Variants in CTNS observed in about 807,000 individuals in gnomAD.
The protein encoded by CTNS is cystinosin, lysosomal cystine transporter, also known as cystinosin.
A neutral mutation model predicts 43.7 loss-of-function variants in CTNS; 27 were observed. That is an observed-to-expected ratio of 0.62 (90% confidence interval 0.46 to 0.85). CTNS has a LOEUF of 0.85. CTNS is among the 40% of genes least tolerant of loss of function. CTNS has a pLI of 0.00. For synonymous variants in CTNS, 187 were observed against 190.6 expected (o/e 0.98, Z 0.16); for missense variants, 457 against 475.4 (o/e 0.96, Z 0.36).
chr17:3,654,371 C>T (rs951710432), intron 5 of CTNS, among the ~76,000 whole-genome samples: 7 of 152,156 alleles, frequency 4.6e-5, no homozygotes, highest in African/African-American at 1.7e-4. Flanking sequence ...GTCCATAGCT[C>T]TGCTCAGAAA....
chr17:3,650,321 G>C, intron 5 of CTNS: 2 of 1,548,744 alleles, frequency 1.3e-6, no homozygotes, highest in Non-Finnish European at 1.7e-6. Context: ...CCTGTGATCT[G>C]AAAAATATAG....
At chr17:3,655,539 C>T in intron 7 of CTNS, 187 bp downstream of exon 7, 1 of 804,194 alleles carries the variant, frequency 1.2e-6, no homozygotes, top group Non-Finnish European at 2.0e-6. Context: ...GGCGTTTCAT[C>T]CCTTGCCCAG....
chr17:3,646,632 T>C (rs1340030565), intron 3 of CTNS, among the ~76,000 whole-genome samples: 1 of 152,014 alleles, frequency 6.6e-6, no homozygotes. Context: ...AAACAGAGTC[T>C]TTCTGTGTTG....
chr17:3,638,193 A>G (rs2075585577), intron 2 of CTNS, among the ~76,000 whole-genome samples: 1 of 151,808 alleles, frequency 6.6e-6, no homozygotes, highest in Non-Finnish European at 1.5e-5. Flanking sequence ...TGTAGCTTTC[A>G]CAAGCCACTA....
chr17:3,660,031 A>C (rs1294325327), intron 11 of CTNS, 56 bp downstream of exon 11: 30 of 1,531,388 alleles, frequency 2.0e-5, no homozygotes, highest in Non-Finnish European at 2.3e-5. Flanking sequence ...GGGCGGGGCC[A>C]GCCTTCCCGG....
chr17:3,662,373 C>T lies in CTNS; in HGVS notation c.*2004C>T, dbSNP rs775551124. ...CTGATTTGGCAGTGCTAGGTAGGTCCAGGAGTGCTAACACCTTCCCAGAGG... is the reference window on the plus strand; with the variant it reads ...CTGATTTGGCAGTGCTAGGTAGGTCTAGGAGTGCTAACACCTTCCCAGAGG... On this transcript the variant is annotated 3_prime_UTR_variant, in exon 12 of 12. Coordinates refer to ENST00000046640, the MANE Select transcript of CTNS (RefSeq NM_004937.3). Among the ~76,000 whole-genome samples, 1 of 152,090 alleles carries T rather than the reference C, an allele frequency of 6.6e-6. No homozygotes were observed. Among genetic ancestry groups the T allele is most frequent in the Non-Finnish European group, 1.5e-5 (1 of 68,006 alleles).
At chr17:3,641,377 TATATA>T (rs1307997817) in intron 3 of CTNS, among the ~76,000 whole-genome samples, 748 of 52,930 alleles carry the variant, frequency 0.014, 42 homozygotes, top group African/African-American at 0.043. Flanking sequence ...TATATATATA[TATATA>T]TATTTTTTTT....
intron 7 of CTNS, chr17:3,655,562 C>T (rs950637083): frequency 7.5e-5 from 48 of 636,884 alleles, no homozygotes; most frequent in African/African-American, 4.6e-4. Flanking sequence ...CAGCCCCTCC[C>T]TGGGAAAGCA....
chr17:3,641,265 C>A (rs1267381923), intron 3 of CTNS, among the ~76,000 whole-genome samples: 5 of 149,460 alleles, frequency 3.3e-5, no homozygotes, highest in Non-Finnish European at 7.4e-5. Flanking sequence ...TCTGGAATTC[C>A]TTCCATAAAG....
chr17:3,636,585 G>A (rs373260107), upstream of CTNS: 238 of 231,548 alleles, frequency 1.0e-3, 4 homozygotes, highest in South Asian at 0.022. Context: ...TCACGCCGGA[G>A]CCCCGATCTC....
chr17:3,660,858 G>A lies in CTNS; in HGVS notation c.*489G>A, dbSNP rs372454787. ...TGGACGGGCTAGGACTTTGGGGTTA[G>A]GCCATGGGGCTCTTTCTCTGAAGGC... On this transcript the variant is annotated 3_prime_UTR_variant, in exon 12 of 12. Coordinates refer to ENST00000046640, the MANE Select transcript of CTNS (RefSeq NM_004937.3). The A allele has an allele frequency of 7.3e-5, 106 of 1,444,346 alleles. 2 individuals carry two copies. In the African/African-American group the frequency reaches 1.3e-3, roughly 18 times the overall value. 89.5% of individuals were successfully genotyped at this position (1,444,346 alleles called of 1,614,324 possible).
chr17:3,648,145 C>T (rs2075889144), intron 4 of CTNS, among the ~76,000 whole-genome samples: 1 of 152,340 alleles, frequency 6.6e-6, no homozygotes, highest in African/African-American at 2.4e-5. Context: ...CTCCTTCTCT[C>T]TTTATGCCTT....
rs752632797 is a variant in CTNS, at chr17:3,656,560, G to A, written c.535G>A (p.Gly179Ser). 24 of 1,609,160 alleles carry A rather than the reference G, an allele frequency of 1.5e-5. No individual in the cohort carries two copies. Among genetic ancestry groups the A allele is most frequent in the African/African-American group, 2.7e-5 (2 of 73,042 alleles). ...GFVAYSVFNI[G>S]LLWVPYIKEQ... ...CGTGGCCTACAGTGTATTCAACATCGGCCTCCTCTGGGTGCCCTACATCAA... is the reference window on the plus strand; with the variant it reads ...CGTGGCCTACAGTGTATTCAACATCAGCCTCCTCTGGGTGCCCTACATCAA... The change falls in exon 8 of 12, where the codon GGC (glycine) becomes AGC (serine). Residue 179 changes from glycine to serine, a missense_variant. Gly to Ser is a moderately conservative substitution (Grantham distance 56, BLOSUM62 0). Transcript: ENST00000046640.
intron 2 of CTNS, 35 bp from the exon 3 acceptor site, chr17:3,640,153 C>A: frequency 6.5e-7 from 1 of 1,544,746 alleles, no homozygotes; most frequent in South Asian, 1.1e-5. Context: ...ATTCAACATT[C>A]CCCTGAACTT....
rs944348465 is a variant in CTNS, at chr17:3,661,176, C to G, written c.*807C>G. ...GAGTACAGGACATAGCTCTCTCCTGCTACCAGTCTGTGCCTTAGAGGTCTG... is the reference window on the plus strand; with the variant it reads ...GAGTACAGGACATAGCTCTCTCCTGGTACCAGTCTGTGCCTTAGAGGTCTG... On this transcript the variant is annotated 3_prime_UTR_variant, in exon 12 of 12. Transcript: ENST00000046640. 8.1e-5 allele frequency: 21 copies of G among 260,802 alleles called. No individual in the cohort carries two copies. Among genetic ancestry groups the G allele is most frequent in the Non-Finnish European group, 1.3e-4 (17 of 131,628 alleles). 16.2% of individuals were successfully genotyped at this position (260,802 alleles called of 1,614,324 possible). A position where few individuals can be genotyped will look rare whatever the true frequency, so the allele number is the denominator to read the frequency against.
intron 3 of CTNS, among the ~76,000 whole-genome samples, chr17:3,643,872 T>A (rs913941296): frequency 3.3e-5 from 5 of 151,876 alleles, no homozygotes; most frequent in African/African-American, 7.3e-5. Context: ...CGGCCAAAAA[T>A]TTTTTTTTAA....
At position 3,637,227 on chromosome 17, in the gene CTNS, G is replaced by T. The variant is rs2075551274; in HGVS notation, c.-109G>T. On this transcript the variant is annotated 5_prime_UTR_variant, in exon 2 of 12. Transcript: ENST00000046640. ...TCCCCTCCGGGTTTTCACACTGGGC[G>T]AAGGGAGGACTCCTGAGCTCTGCCT... is the stretch of plus-strand genomic sequence containing the variant. 1 of 152,190 alleles carries T rather than the reference G, an allele frequency of 6.6e-6. No homozygotes were observed. Among genetic ancestry groups the T allele is most frequent in the Non-Finnish European group, 1.5e-5 (1 of 68,038 alleles). 9.4% of individuals were successfully genotyped at this position (152,190 alleles called of 1,614,324 possible).
At chr17:3,650,757 A>C (rs1376397075) in intron 5 of CTNS, among the ~76,000 whole-genome samples, 3 of 152,176 alleles carry the variant, frequency 2.0e-5, no homozygotes, top group Non-Finnish European at 2.9e-5. Flanking sequence ...CCAAACATCG[A>C]AGTCAAAGTG....
At position 3,660,662 on chromosome 17, in the gene CTNS, C is replaced by T. The variant is rs766557304; in HGVS notation, c.*293C>T. The stretch of plus-strand genomic sequence containing the variant: ...GCTCTGGCAGCCGTCTCAGGCAGGA[C>T]TGGGCACCAAGCTTGCAGCCGAAGG... On this transcript the variant is annotated 3_prime_UTR_variant, in exon 12 of 12. Coordinates refer to ENST00000046640, the MANE Select transcript of CTNS (RefSeq NM_004937.3). The T allele has an allele frequency of 6.2e-7, 1 of 1,613,628 alleles. No homozygotes were observed. Among genetic ancestry groups the T allele is most frequent in the Non-Finnish European group, 8.5e-7 (1 of 1,180,038 alleles).
Sources: allele counts gnomAD v4.1 joint callset (sites outside exome capture counted in the v4.1 genomes callset), GRCh38; gene constraint gnomAD v4.1.1; transcripts MANE v1.5; gene names NCBI Gene and HGNC (gene_info 2026-07-23, HGNC 2026-07-21).